The following NKAIN2 variants were observed in gnomAD, a reference collection of about 807,000 sequenced individuals.
The protein encoded by NKAIN2 is sodium/potassium transporting ATPase interacting 2.
A neutral mutation model predicts 32.6 loss-of-function variants in NKAIN2; 14 were observed. That is an observed-to-expected ratio of 0.43 (90% CI 0.28 to 0.67). The LOEUF is 0.67. Ranked by LOEUF, NKAIN2 falls within the 30% of genes least tolerant of loss-of-function variation. The pLI is 0.17. For missense variants in NKAIN2, 198 were observed against 258.3 expected (o/e 0.77, Z 1.60); for synonymous variants, 80 against 87.2 (o/e 0.92, Z 0.46).
rs111399730 is a variant in NKAIN2, at chr6:124,595,925, G to T, written c.274-62261G>T. On this transcript the variant is annotated intron_variant, in intron 3 of 6. Transcript: ENST00000368417. ...AGGCCAAACTGATTTGGCAGCTGGG[G>T]CTTGGGGAGCACGGGTAGGGGATGG... is the stretch of plus-strand genomic sequence containing the variant. Among the ~76,000 whole-genome samples the T allele has an allele frequency of 3.9e-3, 597 of 152,268 alleles. 2 individuals carry two copies. The highest frequency in any genetic ancestry group is 6.5e-3 in the Non-Finnish European group (445 of 68,004).
At chr6:124,466,348 T>G (rs1776754798) in intron 3 of NKAIN2, among the ~76,000 whole-genome samples, 1 of 152,184 alleles carries the variant, frequency 6.6e-6, no homozygotes, top group Non-Finnish European at 1.5e-5. Context: ...ACTTTTAGCA[T>G]GCAGTCATAG....
intron 1 of NKAIN2, among the ~76,000 whole-genome samples, chr6:124,129,089 A>C (rs1786326846): frequency 6.6e-6 from 1 of 152,212 alleles, no homozygotes; most frequent in Non-Finnish European, 1.5e-5. Context: ...TTGCAAGTCT[A>C]CTGCCAGGCT....
chr6:124,058,594 T>TA (rs1782778445), intron 1 of NKAIN2, among the ~76,000 whole-genome samples: 1 of 152,066 alleles, frequency 6.6e-6, no homozygotes. Flanking sequence ...AAATGTTACT[T>TA]ATAATAGTCA....
At chr6:123,982,535 A>C (rs924403914) in intron 1 of NKAIN2, among the ~76,000 whole-genome samples, 9 of 152,282 alleles carry the variant, frequency 5.9e-5, no homozygotes, top group African/African-American at 2.2e-4. Flanking sequence ...ATTTTAGTGC[A>C]TATGAGAGTA....
chr6:124,201,192 T>C (rs1455959853), intron 1 of NKAIN2, among the ~76,000 whole-genome samples: 1 of 152,098 alleles, frequency 6.6e-6, no homozygotes, highest in Non-Finnish European at 1.5e-5. Context: ...CATCTGATTT[T>C]CTCTAAGACT....
At chr6:124,092,898 C>T (rs1470356644) in intron 1 of NKAIN2, among the ~76,000 whole-genome samples, 5 of 152,018 alleles carry the variant, frequency 3.3e-5, no homozygotes, top group Non-Finnish European at 5.9e-5. Flanking sequence ...GTCTTCAGCA[C>T]TTTGGCTTGA....
chr6:124,146,196 T>C (rs1247245732), intron 1 of NKAIN2, among the ~76,000 whole-genome samples: 2 of 152,120 alleles, frequency 1.3e-5, no homozygotes, highest in Non-Finnish European at 2.9e-5. Flanking sequence ...AAGAAATTGT[T>C]AGAACACATT....
chr6:123,987,048 G>A (rs1007371802), intron 1 of NKAIN2, among the ~76,000 whole-genome samples: 6 of 152,304 alleles, frequency 3.9e-5, no homozygotes, highest in African/African-American at 1.2e-4. Context: ...TGAGTGAGAT[G>A]AGAATGTAAC....
intron 4 of NKAIN2, among the ~76,000 whole-genome samples, chr6:124,740,109 A>C (rs566278104): frequency 1.3e-5 from 2 of 150,798 alleles, no homozygotes; most frequent in South Asian, 2.1e-4. Flanking sequence ...ATTCAAAATA[A>C]CTAAAAGTTG....
At chr6:124,665,066 C>G (rs1032656154) in intron 4 of NKAIN2, among the ~76,000 whole-genome samples, 1 of 151,776 alleles carries the variant, frequency 6.6e-6, no homozygotes, top group Non-Finnish European at 1.5e-5. Context: ...CTTTTGCAGC[C>G]AATTATTCTA....
At chr6:124,451,180 G>A (rs492962) in intron 3 of NKAIN2, among the ~76,000 whole-genome samples, 2 of 151,872 alleles carry the variant, frequency 1.3e-5, no homozygotes, top group Non-Finnish European at 1.5e-5. Context: ...TTATCTGAAG[G>A]GCCCAAGTGG....
chr6:123,807,032 T>C (rs766332933), intron 1 of NKAIN2, among the ~76,000 whole-genome samples: 8 of 151,998 alleles, frequency 5.3e-5, no homozygotes, highest in Non-Finnish European at 1.0e-4. Context: ...CATTTAACAA[T>C]TGAGGGACAG....
At chr6:124,216,849 C>T (rs773658431) in intron 1 of NKAIN2, among the ~76,000 whole-genome samples, 7 of 152,072 alleles carry the variant, frequency 4.6e-5, no homozygotes, top group Non-Finnish European at 1.0e-4. Context: ...TATATTTTCA[C>T]CTCAAAACAA....
intron 1 of NKAIN2, among the ~76,000 whole-genome samples, chr6:124,238,848 C>A (rs1398096832): frequency 2.0e-5 from 3 of 152,172 alleles, no homozygotes; most frequent in African/African-American, 7.2e-5. Flanking sequence ...AGACCGTTGA[C>A]ACTATGAAGA....
rs571505417 is a variant in NKAIN2 at position 124,460,657 on chromosome 6, G to T, written c.273+105310G>T. 4.6e-5 allele frequency among the ~76,000 whole-genome samples: 7 copies of T among 151,594 alleles called. No individual in the cohort carries two copies. In the South Asian group the frequency reaches 1.5e-3, roughly 32 times the overall value. ...ATTTTTCTTTTCTATGGCTTTTAAA[G>T]ATTTTTCTTTTATGTTCTAAAATTT... On this transcript the variant is annotated intron_variant, in intron 3 of 6. Transcript: ENST00000368417.
chr6:124,057,981 A>G (rs769256137), intron 1 of NKAIN2, among the ~76,000 whole-genome samples: 1 of 152,114 alleles, frequency 6.6e-6, no homozygotes, highest in Non-Finnish European at 1.5e-5. Context: ...AGACAACTGC[A>G]AAGAAAACAG....
chr6:124,559,007 A>T (rs1463563835), intron 3 of NKAIN2, among the ~76,000 whole-genome samples: 2 of 152,194 alleles, frequency 1.3e-5, no homozygotes. Flanking sequence ...CACTGAGAGG[A>T]TGGTTCTATT....
chr6:124,156,130 G>A (rs1787976977), intron 1 of NKAIN2, among the ~76,000 whole-genome samples: 1 of 152,048 alleles, frequency 6.6e-6, no homozygotes, highest in Non-Finnish European at 1.5e-5. Context: ...TGGGAGAAAT[G>A]TTTGATTTTA....
chr6:123,908,631 A>G (rs1775009485), intron 1 of NKAIN2, among the ~76,000 whole-genome samples: 1 of 152,198 alleles, frequency 6.6e-6, no homozygotes, highest in African/African-American at 2.4e-5. Context: ...TTCAAAATTG[A>G]AATACATTTT....
Sources: gnomAD v4.1 joint callset for allele counts (sites outside exome capture counted in the v4.1 genomes callset) on GRCh38, gnomAD v4.1.1 for gene constraint, MANE v1.5 for transcripts, NCBI Gene and HGNC (gene_info 2026-07-23, HGNC 2026-07-21) for gene names.